The following NEURL1B variants were observed in gnomAD, a reference collection of about 807,000 sequenced individuals.
NEURL1B encodes the protein neuralized E3 ubiquitin protein ligase 1B, also known as E3 ubiquitin-protein ligase NEURL1B.
In NEURL1B, 13 loss-of-function variants were observed where a neutral mutation model predicts 37.4. That is an observed-to-expected ratio of 0.35 (90% CI 0.23 to 0.55). NEURL1B has a LOEUF of 0.55. Ranked by LOEUF, NEURL1B falls within the 20% of genes least tolerant of loss-of-function variation. The pLI is 0.89. For missense variants in NEURL1B, 790 were observed against 879.2 expected, an observed-to-expected ratio of 0.90 and a Z score of 1.28; for synonymous variants, 432 against 426.6, an observed-to-expected ratio of 1.01 and a Z score of -0.16.
chr5:172,687,333 T>A lies in NEURL1B; in HGVS notation c.*408T>A. ...AGAGAGAGAATGAACGTGTAGCGAT[T>A]TTACCAGGGGTCCCGGCTCCGGGAG... On this transcript the variant is annotated 3_prime_UTR_variant, in exon 5 of 5. Coordinates refer to ENST00000369800, the MANE Select transcript of NEURL1B (RefSeq NM_001142651.3). 1 of 171,454 alleles carries A rather than the reference T, an allele frequency of 5.8e-6. No individual in the cohort carries two copies. 10.6% of individuals were successfully genotyped at this position (171,454 alleles called of 1,614,324 possible).
intron 2 of NEURL1B, among the ~76,000 whole-genome samples, chr5:172,673,856 T>A (rs1462628334): frequency 6.7e-6 from 1 of 149,784 alleles, no homozygotes; most frequent in Admixed American, 6.6e-5. Context: ...AATTCAAATG[T>A]GGCTACACGC....
intron 2 of NEURL1B, among the ~76,000 whole-genome samples, chr5:172,681,533 C>T (rs2113327649): frequency 6.6e-6 from 1 of 152,360 alleles, no homozygotes; most frequent in East Asian, 1.9e-4. Context: ...TAGCTGACCC[C>T]TTTTGCTGAG....
Position 172,670,317 on chromosome 5 carries a change from G to A in NEURL1B, c.564G>A (p.Glu188=). Reference sequence around the variant, plus strand: ...TTGATGTCTACGGCATCACCGACGAGGTGCAGCTTCTGGGTAGGTCGCGGG... The same window carrying A: ...TTGATGTCTACGGCATCACCGACGAAGTGCAGCTTCTGGGTAGGTCGCGGG... The part of the protein sequence containing the change: ...ALIDVYGITD[E]VQLLESAFAD... Residue 188 remains glutamate (E), a synonymous_variant, in exon 2 of 5, where the codon GAG becomes GAA. Transcript: ENST00000369800. 1 of 1,367,630 alleles carries A rather than the reference G, an allele frequency of 7.3e-7. No homozygotes were observed. Among genetic ancestry groups the A allele is most frequent in the Non-Finnish European group, 9.4e-7 (1 of 1,064,356 alleles). 84.7% of individuals were successfully genotyped at this position (1,367,630 alleles called of 1,614,324 possible). A position where few individuals can be genotyped will look rare whatever the true frequency, so the allele number is the denominator to read the frequency against.
intron 1 of NEURL1B, among the ~76,000 whole-genome samples, chr5:172,643,278 G>A (rs1054741950): frequency 1.3e-5 from 2 of 152,204 alleles, no homozygotes; most frequent in Admixed American, 1.3e-4. Context: ...ACATCGGGTG[G>A]CAGATGCCAA....
intron 1 of NEURL1B, among the ~76,000 whole-genome samples, chr5:172,652,193 G>A (rs749098903): frequency 6.6e-6 from 1 of 152,244 alleles, no homozygotes; most frequent in Non-Finnish European, 1.5e-5. Flanking sequence ...GGGCTGACCC[G>A]CAGGGTGCTG....
chr5:172,667,880 G>A (rs1040369676), intron 1 of NEURL1B, among the ~76,000 whole-genome samples: 2 of 120,084 alleles, frequency 1.7e-5, no homozygotes, highest in South Asian at 2.6e-4. Flanking sequence ...ATTTCTACCC[G>A]CTTCCCTCCT....
intron 2 of NEURL1B, among the ~76,000 whole-genome samples, chr5:172,680,499 G>C (rs1758328776): frequency 6.6e-6 from 1 of 152,212 alleles, no homozygotes; most frequent in Non-Finnish European, 1.5e-5. Context: ...CCTGGGAAAA[G>C]TGCATTGCAC....
chr5:172,654,216 G>A (rs1165756659), intron 1 of NEURL1B, among the ~76,000 whole-genome samples: 2 of 152,174 alleles, frequency 1.3e-5, no homozygotes, highest in African/African-American at 4.8e-5. Flanking sequence ...ACTTAGAATT[G>A]GTATAGATGG....
In NEURL1B at chr5:172,670,266, C is replaced by T. The variant is rs1197709896; in HGVS notation, c.513C>T (p.Ala171=). 2.9e-6 allele frequency: 4 copies of T among 1,387,908 alleles called. No individual in the cohort carries two copies. The highest frequency in any genetic ancestry group is 3.0e-5 in the East Asian group (1 of 33,180). 86.0% of individuals were successfully genotyped at this position (1,387,908 alleles called of 1,614,324 possible). ...CGGTGCTCTTCCACTGCGGCGTGGC[C>T]GTGGGCGGCCCGCTCTGGGCGCTCA... The part of the protein sequence containing the change: ...GEPVLFHCGV[A]VGGPLWALID... Residue 171 remains alanine, a synonymous_variant, in exon 2 of 5, where the codon GCC becomes GCT. Transcript: ENST00000369800.
intron 1 of NEURL1B, among the ~76,000 whole-genome samples, chr5:172,664,430 A>G (rs540458957): frequency 3.4e-5 from 5 of 148,254 alleles, no homozygotes; most frequent in Non-Finnish European, 7.5e-5. Flanking sequence ...ATGTGGGATC[A>G]GGACTGGGAC....
chr5:172,668,996 C>G (rs762327558), intron 1 of NEURL1B, among the ~76,000 whole-genome samples: 1 of 152,196 alleles, frequency 6.6e-6, no homozygotes, highest in Non-Finnish European at 1.5e-5. Context: ...TTTTCTGTGG[C>G]TGAGGGGAGG....
chr5:172,682,381 C>G (rs1758371578), intron 2 of NEURL1B, among the ~76,000 whole-genome samples: 1 of 152,206 alleles, frequency 6.6e-6, no homozygotes, highest in African/African-American at 2.4e-5. Context: ...TCAGGACCAG[C>G]CTGGCCAACA....
chr5:172,654,516 A>G (rs1236309245), intron 1 of NEURL1B, among the ~76,000 whole-genome samples: 1 of 151,866 alleles, frequency 6.6e-6, no homozygotes, highest in Admixed American at 6.6e-5. Context: ...ATCAGTGGTT[A>G]ATGTTAAATC....
intron 1 of NEURL1B, among the ~76,000 whole-genome samples, chr5:172,663,781 C>T (rs961398022): frequency 4.8e-5 from 7 of 146,552 alleles, no homozygotes; most frequent in Non-Finnish European, 1.1e-4. Flanking sequence ...GGGATTTAGT[C>T]GCTGGCGTGG....
rs936998941 is a variant in NEURL1B, at chr5:172,661,239, A to G, written c.32-8546A>G. On this transcript the variant is annotated intron_variant, in intron 1 of 4. Coordinates refer to ENST00000369800, the MANE Select transcript of NEURL1B (RefSeq NM_001142651.3). This position sits in a 1 kb window ranked among gnomAD's most constrained non-coding sequence, Gnocchi z 4.0. ...ATGTTATAAAGGTCCAGGTCCAGGA[A>G]GCCCCTGAAGTTGAATATCAGATTG... Among the ~76,000 whole-genome samples the G allele has an allele frequency of 1.3e-5, 2 of 152,236 alleles. No homozygotes were observed. The highest frequency in any genetic ancestry group is 4.8e-5 in the African/African-American group (2 of 41,474).
chr5:172,651,982 C>T (rs889403630), intron 1 of NEURL1B, among the ~76,000 whole-genome samples: 9 of 152,184 alleles, frequency 5.9e-5, no homozygotes, highest in Admixed American at 1.3e-4. Flanking sequence ...AGTTATTCGG[C>T]GGAGTGTCCA....
chr5:172,657,268 T>C lies in NEURL1B; in HGVS notation c.32-12517T>C, dbSNP rs1400337233. The stretch of plus-strand genomic sequence containing the variant: ...TAGAGAGGACCAGTGAACCAAGGAC[T>C]GTCAGATCGCCAGAACTTAGGACAC... On this transcript the variant is annotated intron_variant, in intron 1 of 4. Coordinates refer to ENST00000369800, the MANE Select transcript of NEURL1B (RefSeq NM_001142651.3). This position sits in a 1 kb window ranked among gnomAD's most constrained non-coding sequence, Gnocchi z 4.0. Among the ~76,000 whole-genome samples, 1 of 152,172 alleles carries C rather than the reference T, an allele frequency of 6.6e-6. No homozygotes were observed. Among genetic ancestry groups the C allele is most frequent in the Non-Finnish European group, 1.5e-5 (1 of 68,024 alleles).
chr5:172,684,197 A>ACCCCGCTGCGCTCTTCCCCGG (rs1758434646), intron 3 of NEURL1B, 59 bp downstream of exon 3: 2 of 1,088,238 alleles, frequency 1.8e-6, no homozygotes, highest in Non-Finnish European at 2.2e-6. Context: ...GTGCCGTCTC[A>ACCCCGCTGCGCTCTTCCCCGG]CCCCGCTGCG....
At chr5:172,678,093 G>A (rs930057457) in intron 2 of NEURL1B, among the ~76,000 whole-genome samples, 4 of 151,844 alleles carry the variant, frequency 2.6e-5, no homozygotes, top group South Asian at 2.1e-4. Context: ...GGGCCTTCCC[G>A]AGCTCCCGCC....
Sources: allele counts gnomAD v4.1 joint callset (sites outside exome capture counted in the v4.1 genomes callset), GRCh38; gene constraint gnomAD v4.1.1; non-coding constraint Gnocchi (gnomAD v3.1); transcripts MANE v1.5; gene names NCBI Gene and HGNC (gene_info 2026-07-23, HGNC 2026-07-21).